SLC6A6: variants seen among roughly 807,000 people sequenced by gnomAD.
SLC6A6 encodes the protein solute carrier family 6 member 6.
Under a neutral mutation model 68.8 loss-of-function variants are expected in SLC6A6, and 16 were observed. The ratio of observed to expected loss-of-function variants is 0.23; its 90% CI spans 0.16 to 0.35. SLC6A6 has a LOEUF of 0.35. Among genes scored for constraint, SLC6A6 ranks in the 10% least tolerant of loss-of-function variants. SLC6A6 has a pLI of 1.00. For synonymous variants in SLC6A6, 312 were observed against 315.4 expected, an observed-to-expected ratio of 0.99 and a Z score of 0.12; for missense variants, 474 against 802.8, an observed-to-expected ratio of 0.59 and a Z score of 4.95.
chr3:14,437,812 T>C (rs1033983856), intron 2 of SLC6A6, among the ~76,000 whole-genome samples: 1 of 150,812 alleles, frequency 6.6e-6, no homozygotes, highest in African/African-American at 2.4e-5. Flanking sequence ...TATTTATTTA[T>C]TATTTTATTT....
chr3:14,414,293 T>A (rs1050932971), intron 1 of SLC6A6, among the ~76,000 whole-genome samples: 1 of 152,148 alleles, frequency 6.6e-6, no homozygotes, highest in Non-Finnish European at 1.5e-5. Flanking sequence ...TCATCACTGT[T>A]TTTGACCAGG....
intron 9 of SLC6A6, among the ~76,000 whole-genome samples, chr3:14,470,216 G>T (rs760282798): frequency 2.0e-5 from 3 of 152,176 alleles, no homozygotes; most frequent in Non-Finnish European, 4.4e-5. Context: ...GTCAATCTCA[G>T]TTGTTTTTTC....
In SLC6A6 at chr3:14,428,780, C is replaced by A. The variant is rs929696314; in HGVS notation, c.-12+12327C>A. Among the ~76,000 whole-genome samples the A allele has an allele frequency of 5.3e-5, 8 of 152,178 alleles. 1 individual carries two copies. Among genetic ancestry groups the A allele is most frequent in the Admixed American group, 3.9e-4 (6 of 15,284 alleles). On this transcript the variant is annotated intron_variant, in intron 2 of 14. Coordinates refer to ENST00000622186, the MANE Select transcript of SLC6A6 (RefSeq NM_003043.6). ...GTCACCAGAGCCTCCGCTGGCCTTT[C>A]CTGCCATTGTTCCCTATGCCTGGGG...
At chr3:14,482,526 G>T (rs953099643) in intron 14 of SLC6A6, among the ~76,000 whole-genome samples, 1 of 152,192 alleles carries the variant, frequency 6.6e-6, no homozygotes. Context: ...TTGAGCTTGG[G>T]CTGGCTCCAA....
chr3:14,469,154 C>A lies in SLC6A6; in HGVS notation c.1096+942C>A, dbSNP rs145566520. On this transcript the variant is annotated intron_variant, in intron 9 of 14. Transcript: ENST00000622186. Reference sequence around the variant, plus strand: ...TTCCGACCTCTCCACCCTTCCCCGGCCCTGCACAGTTTACTTGGAGGGTGG... The same window carrying A: ...TTCCGACCTCTCCACCCTTCCCCGGACCTGCACAGTTTACTTGGAGGGTGG... Among the ~76,000 whole-genome samples, 411 of 152,224 alleles carry A rather than the reference C, an allele frequency of 2.7e-3. 14 individuals carry two copies. In the South Asian group the frequency reaches 0.06, roughly 22 times the overall value.
chr3:14,488,960 C>T lies in SLC6A6; in HGVS notation c.*3953C>T, dbSNP rs1357309668. ...CTCCCAATCCCTAGCAACTGTGACT[C>T]TGTATTTAGCACAAGAGAAAGCTGA... On this transcript the variant is annotated 3_prime_UTR_variant, in exon 15 of 15. Transcript: ENST00000622186. The T allele has an allele frequency of 1.3e-5, 2 of 152,118 alleles. No individual in the cohort carries two copies. The highest frequency in any genetic ancestry group is 2.9e-5 in the Non-Finnish European group (2 of 67,990). 9.4% of individuals were successfully genotyped at this position (152,118 alleles called of 1,614,324 possible).
At position 14,468,335 on chromosome 3, in the gene SLC6A6, ACC is replaced by A. The variant is rs35842831; in HGVS notation, c.1096+132_1096+133del. 44 of 590,956 alleles carry A rather than the reference ACC, an allele frequency of 7.4e-5. No individual in the cohort carries two copies. Among genetic ancestry groups the A allele is most frequent in the South Asian group, 1.2e-4 (4 of 32,648 alleles). 36.6% of individuals were successfully genotyped at this position (590,956 alleles called of 1,614,324 possible). A position where few individuals can be genotyped will look rare whatever the true frequency, so the allele number is the denominator to read the frequency against. On this transcript the variant is annotated intron_variant, in intron 9 of 14. Transcript: ENST00000622186. This position sits in a 1 kb window ranked among gnomAD's most constrained non-coding sequence, Gnocchi z 4.5. ...GGGACGAGCCTGGTTTCTAAAATGG[ACC>A]CCCCCCCCGCCACCAAGATATCCCC...
intron 2 of SLC6A6, among the ~76,000 whole-genome samples, chr3:14,434,192 T>C (rs1025510257): frequency 7.9e-5 from 12 of 152,220 alleles, no homozygotes; most frequent in Non-Finnish European, 1.8e-4. Flanking sequence ...TGGGTTTGAA[T>C]CCAGCTGTAT....
Position 14,467,918 on chromosome 3 carries a change from G to C in SLC6A6, c.933G>C (p.Ser311=). 6.2e-7 allele frequency: 1 copy of C among 1,613,896 alleles called. No individual in the cohort carries two copies. Among genetic ancestry groups the C allele is most frequent in the Non-Finnish European group, 8.5e-7 (1 of 1,179,826 alleles). The part of the protein sequence containing the change: ...SYAICLGAMT[S]LGSYNKYKYN... The stretch of plus-strand genomic sequence containing the variant: ...CCATCTGCCTGGGGGCTATGACCTC[G>C]CTGGGGAGCTACAACAAGTACAAGT... Residue 311 remains serine, a synonymous_variant, in exon 8 of 15, where the codon TCG becomes TCC. Transcript: ENST00000622186.
intron 2 of SLC6A6, among the ~76,000 whole-genome samples, chr3:14,419,152 A>G (rs1387157501): frequency 6.6e-6 from 1 of 152,206 alleles, no homozygotes; most frequent in African/African-American, 2.4e-5. Flanking sequence ...TTGGGAGCCC[A>G]TTTTATAGAA....
rs1414686524 is a variant in SLC6A6, at chr3:14,488,399, T to TACCGCCACACTGGTCCCCCACCCAGCC, written c.*3394_*3420dup. 1 of 152,148 alleles carries TACCGCCACACTGGTCCCCCACCCAGCC rather than the reference T, an allele frequency of 6.6e-6. No homozygotes were observed. The highest frequency in any genetic ancestry group is 1.9e-4 in the East Asian group (1 of 5,182). 9.4% of individuals were successfully genotyped at this position (152,148 alleles called of 1,614,324 possible). ...TCAGGGCACTCTTGTATCACCCGGG[T>TACCGCCACACTGGTCCCCCACCCAGCC]ACCGCCACACTGGTCCCCCACCCAG... On this transcript the variant is annotated 3_prime_UTR_variant, in exon 15 of 15. Coordinates refer to ENST00000622186, the MANE Select transcript of SLC6A6 (RefSeq NM_003043.6).
At chr3:14,420,076 C>T (rs915122231) in intron 2 of SLC6A6, among the ~76,000 whole-genome samples, 2 of 152,212 alleles carry the variant, frequency 1.3e-5, no homozygotes, top group East Asian at 1.9e-4. Context: ...CCTCAACATT[C>T]GCTTCCTAGA....
intron 2 of SLC6A6, among the ~76,000 whole-genome samples, chr3:14,430,544 C>T (rs1441035304): frequency 3.3e-5 from 5 of 152,200 alleles, no homozygotes; most frequent in African/African-American, 1.2e-4. Context: ...CTCCCTGCAT[C>T]CTAGCCCCAC....
intron 1 of SLC6A6, among the ~76,000 whole-genome samples, chr3:14,408,584 C>G (rs1242183619): frequency 2.0e-5 from 3 of 152,150 alleles, no homozygotes; most frequent in Non-Finnish European, 4.4e-5. Context: ...ATCCGCCTGC[C>G]TTGGCCTTCG....
chr3:14,472,187 G>A lies in SLC6A6; in HGVS notation c.1097-18G>A, dbSNP rs2289128. On this transcript the variant is annotated intron_variant, in intron 9 of 14. Transcript: ENST00000622186. This position sits in a 1 kb window ranked among gnomAD's most constrained non-coding sequence, Gnocchi z 4.5. The stretch of plus-strand genomic sequence containing the variant: ...TGTCTCCTCCCCTGTGCCCCTCCCC[G>A]TTTTCTTTCCTTTCTAGGTCCTGGC... 99,439 of 1,542,708 alleles carry A rather than the reference G, an allele frequency of 0.064. 4,044 individuals carry two copies. The highest frequency in any genetic ancestry group is 0.16 in the South Asian group (14,330 of 89,638).
chr3:14,426,327 C>A (rs528856344), intron 2 of SLC6A6, among the ~76,000 whole-genome samples: 7 of 136,550 alleles, frequency 5.1e-5, no homozygotes, highest in South Asian at 4.2e-4. Flanking sequence ...TGGGGTAAGT[C>A]CCCCCCCAGC....
At chr3:14,471,801 C>T (rs1285055955) in intron 9 of SLC6A6, among the ~76,000 whole-genome samples, 4 of 152,170 alleles carry the variant, frequency 2.6e-5, no homozygotes, top group Non-Finnish European at 4.4e-5. Context: ...GGAGACTGGG[C>T]GGTCAGGTCA....
At chr3:14,455,237 T>G (rs537597230) in intron 5 of SLC6A6, among the ~76,000 whole-genome samples, 1 of 152,318 alleles carries the variant, frequency 6.6e-6, no homozygotes, top group East Asian at 1.9e-4. Flanking sequence ...AGGACTCATT[T>G]TCTTTGTTGT....
At chr3:14,451,805 T>G (rs1263289516) in intron 5 of SLC6A6, among the ~76,000 whole-genome samples, 2 of 152,188 alleles carry the variant, frequency 1.3e-5, no homozygotes, top group African/African-American at 4.8e-5. Context: ...ACCCTGGGGT[T>G]TCTCTCGAGT....
Sources: gnomAD v4.1 joint callset for allele counts (sites outside exome capture counted in the v4.1 genomes callset) on GRCh38, gnomAD v4.1.1 for gene constraint, Gnocchi (gnomAD v3.1) non-coding constraint, MANE v1.5 for transcripts, NCBI Gene and HGNC (gene_info 2026-07-23, HGNC 2026-07-21) for gene names.